Variants in CNBD1 observed in about 807,000 individuals in gnomAD.
CNBD1 encodes cyclic nucleotide binding domain containing 1.
In CNBD1, 71 loss-of-function variants were observed where a neutral mutation model predicts 54.4. That is an observed-to-expected ratio of 1.30 (90% CI 1.08 to 1.59). The LOEUF is 1.59. Among genes scored for constraint, CNBD1 ranks in the 40% most tolerant of loss-of-function variants. CNBD1 has a pLI of 0.00. For missense variants in CNBD1, 659 were observed against 518.0 expected (o/e 1.27, Z -2.64); for synonymous variants, 182 against 170.7 (o/e 1.07, Z -0.51).
intron 10 of CNBD1, among the ~76,000 whole-genome samples, chr8:87,382,209 T>G (rs1043069360): frequency 3.9e-5 from 6 of 151,950 alleles, no homozygotes; most frequent in Non-Finnish European, 8.8e-5. Flanking sequence ...TTTTGGCATT[T>G]CCTATGGAAT....
At chr8:86,872,101 C>A (rs1180396773) in intron 1 of CNBD1, among the ~76,000 whole-genome samples, 2 of 152,156 alleles carry the variant, frequency 1.3e-5, no homozygotes, top group African/African-American at 4.8e-5. Flanking sequence ...TGTTGCCTAG[C>A]AACACTGTTA....
chr8:87,241,268 A>ATTTTTTTTTTTTTTTTTTTTTT (rs34829455), intron 6 of CNBD1, among the ~76,000 whole-genome samples: 7 of 93,856 alleles, frequency 7.5e-5, no homozygotes, highest in African/African-American at 3.4e-4. Flanking sequence ...TATTTGGAAG[A>ATTTTTTTTTTTTTTTTTTTTTT]TTTTTTTTTT....
At chr8:86,953,548 A>C (rs1807680934) in intron 4 of CNBD1, among the ~76,000 whole-genome samples, 1 of 152,174 alleles carries the variant, frequency 6.6e-6, no homozygotes, top group Non-Finnish European at 1.5e-5. Context: ...ATATGGCCTG[A>C]AGATCAAACA....
At chr8:87,275,893 A>G (rs1283200972) in intron 6 of CNBD1, among the ~76,000 whole-genome samples, 8 of 151,998 alleles carry the variant, frequency 5.3e-5, no homozygotes, top group East Asian at 1.9e-4. Context: ...TACAAAATCA[A>G]TGTACAAAAA....
At chr8:87,059,917 A>C (rs1284759219) in intron 4 of CNBD1, among the ~76,000 whole-genome samples, 2 of 152,168 alleles carry the variant, frequency 1.3e-5, no homozygotes, top group Admixed American at 6.5e-5. Context: ...TGGCCTCATT[A>C]GTTTGGCAGC....
Position 87,160,757 on chromosome 8 carries a change from A to G in CNBD1, c.432-45236A>G, listed in dbSNP as rs111753681. ...GGATTCTTGAAGTACATGAAACTTC[A>G]TTTATACTATTTTTAAAAAAAACAG... is the stretch of plus-strand genomic sequence containing the variant. On this transcript the variant is annotated intron_variant, in intron 4 of 10. Coordinates refer to ENST00000518476, the MANE Select transcript of CNBD1 (RefSeq NM_173538.3). Among the ~76,000 whole-genome samples, 12 of 152,214 alleles carry G rather than the reference A, an allele frequency of 7.9e-5. 1 individual carries two copies. The highest frequency in any genetic ancestry group is 2.6e-4 in the African/African-American group (11 of 41,550).
rs184684212 is a variant in CNBD1 at position 87,319,784 on chromosome 8, C to T, written c.1043-31901C>T. Among the ~76,000 whole-genome samples, 4 of 151,820 alleles carry T rather than the reference C, an allele frequency of 2.6e-5. No individual in the cohort carries two copies. The East Asian group carries it at 7.7e-4, about 29-fold the overall frequency. ...TGAAAGTAGTAGGGTTTGAATTAAC[C>T]ATTCAAAAAAGCGTTTCTATATAGC... On this transcript the variant is annotated intron_variant, in intron 8 of 10. Coordinates refer to ENST00000518476, the MANE Select transcript of CNBD1 (RefSeq NM_173538.3).
At chr8:87,412,980 G>C (rs1020945261) in intron 2 of CNBD1, among the ~76,000 whole-genome samples, 1 of 152,052 alleles carries the variant, frequency 6.6e-6, no homozygotes, top group Non-Finnish European at 1.5e-5. Context: ...GTGAAGATAA[G>C]CTAGTAATTG....
At chr8:87,350,225 G>T (rs1473714563) in intron 8 of CNBD1, among the ~76,000 whole-genome samples, 1 of 151,848 alleles carries the variant, frequency 6.6e-6, no homozygotes, top group East Asian at 1.9e-4. Context: ...CTTTTACATT[G>T]TAATATAATT....
downstream of CNBD1, among the ~76,000 whole-genome samples, chr8:87,385,655 G>A (rs1036213546): frequency 2.6e-5 from 4 of 152,108 alleles, no homozygotes; most frequent in Non-Finnish European, 5.9e-5. Flanking sequence ...GCAGCACAAG[G>A]AGGCCTACCT....
At chr8:87,357,490 T>C (rs1221748475) in intron 10 of CNBD1, among the ~76,000 whole-genome samples, 1 of 152,198 alleles carries the variant, frequency 6.6e-6, no homozygotes, top group East Asian at 1.9e-4. Context: ...TTTAAAATTT[T>C]AATACCTGCT....
chr8:86,929,208 T>A (rs1586141459), intron 3 of CNBD1, among the ~76,000 whole-genome samples: 2 of 152,246 alleles, frequency 1.3e-5, no homozygotes, highest in East Asian at 3.8e-4. Context: ...ATGCAATAAC[T>A]CCATGATTTC....
At chr8:87,308,682 G>A (rs1359413503) in intron 8 of CNBD1, among the ~76,000 whole-genome samples, 2 of 152,034 alleles carry the variant, frequency 1.3e-5, no homozygotes, top group African/African-American at 4.8e-5. Flanking sequence ...TGGAACACTA[G>A]AATTTGTTCC....
Position 87,324,823 on chromosome 8 carries a change from G to A in CNBD1, c.1043-26862G>A. Among the ~76,000 whole-genome samples, 2 of 117,818 alleles carry A rather than the reference G, an allele frequency of 1.7e-5. 1 individual carries two copies. 77.3% of individuals were successfully genotyped at this position (117,818 alleles called of 152,430 possible). A position where few individuals can be genotyped will look rare whatever the true frequency, so the allele number is the denominator to read the frequency against. On this transcript the variant is annotated intron_variant, in intron 8 of 10. Coordinates refer to ENST00000518476, the MANE Select transcript of CNBD1 (RefSeq NM_173538.3). The stretch of plus-strand genomic sequence containing the variant: ...TTCCTTCAGTTCTGCTCGGATTTTA[G>A]TTATTTCTTGCCTTCTGCTAGCTTT...
chr8:87,427,525 T>C (rs1030446307), intron 2 of CNBD1, among the ~76,000 whole-genome samples: 1 of 152,124 alleles, frequency 6.6e-6, no homozygotes, highest in South Asian at 2.1e-4. Context: ...AATATGGAGA[T>C]TACATAAGCC....
chr8:87,002,128 A>G (rs1333982505), intron 4 of CNBD1, among the ~76,000 whole-genome samples: 2 of 152,250 alleles, frequency 1.3e-5, no homozygotes, highest in African/African-American at 2.4e-5. Context: ...CTTTTCTCTC[A>G]TACCTTATAT....
At chr8:87,034,290 C>T (rs1180998104) in intron 4 of CNBD1, among the ~76,000 whole-genome samples, 1 of 152,166 alleles carries the variant, frequency 6.6e-6, no homozygotes, top group Non-Finnish European at 1.5e-5. Context: ...TATGGTATTG[C>T]ACTAAACATG....
chr8:87,366,569 C>T (rs1437783831), intron 10 of CNBD1, among the ~76,000 whole-genome samples: 1 of 152,034 alleles, frequency 6.6e-6, no homozygotes, highest in East Asian at 1.9e-4. Context: ...AAGGTTAACT[C>T]GTTAGTATCC....
At chr8:86,875,660 G>A (rs557666898) in intron 1 of CNBD1, among the ~76,000 whole-genome samples, 1 of 151,540 alleles carries the variant, frequency 6.6e-6, no homozygotes, top group Non-Finnish European at 1.5e-5. Flanking sequence ...TCTTTATCTC[G>A]TTCCTGAATT....
Sources: gnomAD v4.1 joint callset for allele counts (sites outside exome capture counted in the v4.1 genomes callset) on GRCh38, gnomAD v4.1.1 for gene constraint, MANE v1.5 for transcripts, NCBI Gene and HGNC (gene_info 2026-07-23, HGNC 2026-07-21) for gene names.